The following ESRRG variants were observed in gnomAD, a reference collection of about 807,000 sequenced individuals.
The protein encoded by ESRRG is estrogen-related receptor gamma.
In ESRRG, 13 loss-of-function variants were observed where a neutral mutation model predicts 44.0. That is an observed-to-expected ratio of 0.30 (90% CI 0.19 to 0.47). The LOEUF (loss-of-function observed/expected upper bound fraction) is 0.47, where lower values mean the gene tolerates loss of function less well. Among genes scored for constraint, ESRRG ranks in the 20% least tolerant of loss-of-function variants. The probability of loss-of-function intolerance (pLI) is 1.00; values close to 1 mark genes in which losing one functional copy is unlikely to be tolerated. For synonymous variants in ESRRG, 215 were observed against 214.6 expected (o/e 1.00, Z -0.02); for missense variants, 395 against 580.6 (o/e 0.68, Z 3.29).
intron 1 of ESRRG, among the ~76,000 whole-genome samples, chr1:216,947,571 G>A (rs1321129497): frequency 3.3e-5 from 5 of 152,126 alleles, no homozygotes; most frequent in East Asian, 1.9e-4. Flanking sequence ...GGGGCTGTAC[G>A]TGAGTATTTA....
chr1:216,883,013 G>A (rs2096467742), intron 2 of ESRRG, among the ~76,000 whole-genome samples: 1 of 151,962 alleles, frequency 6.6e-6, no homozygotes, highest in Non-Finnish European at 1.5e-5. Flanking sequence ...ACTATGTGGA[G>A]TACCAACAAT....
chr1:217,038,140 C>T (rs2083237211), intron 1 of ESRRG, among the ~76,000 whole-genome samples: 1 of 152,126 alleles, frequency 6.6e-6, no homozygotes. Flanking sequence ...GATGGTGGCC[C>T]TCTTCTCACC....
intron 1 of ESRRG, among the ~76,000 whole-genome samples, chr1:216,967,282 C>A (rs928005455): frequency 1.4e-4 from 22 of 152,030 alleles, no homozygotes; most frequent in African/African-American, 5.1e-4. Flanking sequence ...AGGGTTACTT[C>A]TTGGGGTTAT....
intron 3 of ESRRG, among the ~76,000 whole-genome samples, chr1:216,632,996 G>C (rs957979218): frequency 6.6e-6 from 1 of 152,144 alleles, no homozygotes; most frequent in Non-Finnish European, 1.5e-5. Flanking sequence ...AAGAGAGAGA[G>C]AGAGGGAGAT....
At chr1:216,823,412 C>T (rs1047931811) in intron 2 of ESRRG, among the ~76,000 whole-genome samples, 3 of 152,092 alleles carry the variant, frequency 2.0e-5, no homozygotes, top group Middle Eastern at 3.4e-3. Flanking sequence ...GTTTTGTTTT[C>T]TTTGTGTTTA....
At chr1:217,107,791 T>G (rs2151579696) in intron 1 of ESRRG, among the ~76,000 whole-genome samples, 1 of 152,338 alleles carries the variant, frequency 6.6e-6, no homozygotes, top group South Asian at 2.1e-4. Context: ...TCCATCTTTC[T>G]TATGCTTGGA....
intron 1 of ESRRG, among the ~76,000 whole-genome samples, chr1:216,701,971 A>C (rs182808212): frequency 3.2e-4 from 48 of 152,342 alleles, no homozygotes; most frequent in Non-Finnish European, 5.4e-4. Context: ...CTTTTGAAAT[A>C]TATATTACAA....
intron 1 of ESRRG, among the ~76,000 whole-genome samples, chr1:217,010,630 T>G (rs1475108373): frequency 6.6e-6 from 1 of 152,216 alleles, no homozygotes; most frequent in Non-Finnish European, 1.5e-5. Context: ...GAACTGAGCC[T>G]TGTCAGAGGT....
chr1:217,046,857 T>G (rs946533316), intron 1 of ESRRG, among the ~76,000 whole-genome samples: 7 of 151,940 alleles, frequency 4.6e-5, no homozygotes, highest in African/African-American at 1.7e-4. Context: ...GCACTCAGCT[T>G]GAGCAACAGT....
intron 3 of ESRRG, among the ~76,000 whole-genome samples, chr1:216,642,915 A>G (rs1025229949): frequency 1.3e-5 from 2 of 152,220 alleles, no homozygotes; most frequent in Non-Finnish European, 2.9e-5. Context: ...TTGTAACTAA[A>G]TGACCTGCGT....
chr1:217,050,553 G>A (rs1045852955), intron 1 of ESRRG, among the ~76,000 whole-genome samples: 2 of 152,132 alleles, frequency 1.3e-5, no homozygotes, highest in Non-Finnish European at 2.9e-5. Flanking sequence ...AGAGGCAGGT[G>A]ACTGGGGATC....
rs150798116 is a variant in ESRRG at position 216,624,746 on chromosome 1, AT to A, written c.589+26226del. 1.3e-3 allele frequency among the ~76,000 whole-genome samples: 201 copies of A among 152,266 alleles called. 5 individuals carry two copies. In the East Asian group the frequency reaches 0.036, roughly 27 times the overall value. ...TCAAATTTTTAACTGCTTCTAAGTC[AT>A]TTTGATTTGGACACCCCATTATTAC... On this transcript the variant is annotated intron_variant, in intron 3 of 6. Transcript: ENST00000408911.
intron 3 of ESRRG, among the ~76,000 whole-genome samples, chr1:216,633,737 C>T (rs2064715824): frequency 6.6e-6 from 1 of 152,170 alleles, no homozygotes; most frequent in African/African-American, 2.4e-5. Flanking sequence ...AGAAAACTGA[C>T]ATTCCTGTCA....
chr1:217,083,648 A>G (rs2091907809), intron 1 of ESRRG, among the ~76,000 whole-genome samples: 1 of 152,244 alleles, frequency 6.6e-6, no homozygotes, highest in Admixed American at 6.5e-5. Flanking sequence ...AGCTACAAAG[A>G]GCACAGTTCT....
At chr1:216,892,215 G>A (rs1259394856) in intron 2 of ESRRG, among the ~76,000 whole-genome samples, 1 of 152,106 alleles carries the variant, frequency 6.6e-6, no homozygotes, top group Non-Finnish European at 1.5e-5. Flanking sequence ...TGCCCCTTAT[G>A]GCATTCAGAT....
intron 5 of ESRRG, among the ~76,000 whole-genome samples, chr1:216,550,971 G>A (rs1487710786): frequency 6.6e-6 from 1 of 152,138 alleles, no homozygotes; most frequent in African/African-American, 2.4e-5. Flanking sequence ...TGGGAATAGA[G>A]AGCCGCAGAA....
intron 1 of ESRRG, among the ~76,000 whole-genome samples, chr1:217,058,397 T>G (rs981921654): frequency 6.6e-6 from 1 of 152,124 alleles, no homozygotes; most frequent in Non-Finnish European, 1.5e-5. Flanking sequence ...ATAAGTCCTT[T>G]CTGAGTAGCA....
chr1:216,537,544 G>A (rs1010083998), intron 5 of ESRRG, among the ~76,000 whole-genome samples: 1 of 152,058 alleles, frequency 6.6e-6, no homozygotes, highest in African/African-American at 2.4e-5. Context: ...AGTAGCAGGA[G>A]ATGGTGCTGA....
intron 3 of ESRRG, among the ~76,000 whole-genome samples, chr1:216,579,757 C>A (rs925346748): frequency 2.0e-5 from 3 of 152,048 alleles, no homozygotes; most frequent in Non-Finnish European, 4.4e-5. Context: ...AAGAAAAAAA[C>A]AAACACATTT....
Sources: allele counts gnomAD v4.1 joint callset (sites outside exome capture counted in the v4.1 genomes callset), GRCh38; gene constraint gnomAD v4.1.1; transcripts MANE v1.5; gene names NCBI Gene and HGNC (gene_info 2026-07-23, HGNC 2026-07-21).